The following ZBTB16 variants were observed in gnomAD, a reference collection of about 807,000 sequenced individuals.
ZBTB16 encodes zinc finger and BTB domain-containing protein 16.
A neutral mutation model predicts 56.8 loss-of-function variants in ZBTB16; 8 were observed. That is an observed-to-expected ratio of 0.14 (90% CI 0.08 to 0.25). ZBTB16 has a LOEUF of 0.25. Ranked by LOEUF, ZBTB16 falls within the 10% of genes least tolerant of loss-of-function variation. The pLI is 1.00. For synonymous variants in ZBTB16, 363 were observed against 368.5 expected, an observed-to-expected ratio of 0.98 and a Z score of 0.17; for missense variants, 625 against 903.0, an observed-to-expected ratio of 0.69 and a Z score of 3.95.
intron 3 of ZBTB16, among the ~76,000 whole-genome samples, chr11:114,156,869 C>T (rs1591725159): frequency 6.6e-6 from 1 of 152,176 alleles, no homozygotes; most frequent in East Asian, 1.9e-4. Flanking sequence ...TAATTTTATA[C>T]AATTCTATTG....
At chr11:114,223,558 A>G (rs1944278268) in intron 4 of ZBTB16, among the ~76,000 whole-genome samples, 1 of 152,174 alleles carries the variant, frequency 6.6e-6, no homozygotes, top group African/African-American at 2.4e-5. Flanking sequence ...TTATTTGTTT[A>G]TTAATTCATT....
intron 2 of ZBTB16, among the ~76,000 whole-genome samples, chr11:114,071,134 A>T (rs575210259): frequency 6.6e-6 from 1 of 151,894 alleles, no homozygotes; most frequent in Admixed American, 6.5e-5. Context: ...GTACCCACTT[A>T]TATCTTCATG....
chr11:114,062,252 T>G (rs997810466), intron 1 of ZBTB16, among the ~76,000 whole-genome samples: 3 of 151,458 alleles, frequency 2.0e-5, no homozygotes, highest in African/African-American at 4.8e-5. Flanking sequence ...TACAGGCGGG[T>G]GCCACCGCGC....
chr11:114,113,759 A>G (rs1344467607), intron 2 of ZBTB16, among the ~76,000 whole-genome samples: 1 of 152,186 alleles, frequency 6.6e-6, no homozygotes, highest in Non-Finnish European at 1.5e-5. Context: ...CTCTTCCTAA[A>G]TGAAGCTAGT....
At position 114,252,160 on chromosome 11, in the gene ZBTB16, G is replaced by A. The variant is rs1944928951; in HGVS notation, c.*1605G>A. Among the ~76,000 whole-genome samples, 1 of 152,026 alleles carries A rather than the reference G, an allele frequency of 6.6e-6. No homozygotes were observed. Among genetic ancestry groups the A allele is most frequent in the South Asian group, 2.1e-4 (1 of 4,816 alleles). On this transcript the variant is annotated 3_prime_UTR_variant, in exon 7 of 7. Transcript: ENST00000335953. ...CTTTGGGGTCTCATGGTCCCCAGAG[G>A]GCACTAGGGAGTCACTTTTGGCTCC...
chr11:114,235,724 TTC>T (rs1156656384), intron 4 of ZBTB16, among the ~76,000 whole-genome samples: 2 of 150,226 alleles, frequency 1.3e-5, no homozygotes, highest in Non-Finnish European at 3.0e-5. Context: ...TTCTTTTTCT[TTC>T]TTTCTTTCTT....
intron 3 of ZBTB16, among the ~76,000 whole-genome samples, chr11:114,174,497 A>G (rs1002106807): frequency 2.6e-5 from 4 of 152,142 alleles, no homozygotes; most frequent in Admixed American, 2.0e-4. Flanking sequence ...CCTGCCTAAC[A>G]TGGTGAAACT....
intron 3 of ZBTB16, among the ~76,000 whole-genome samples, chr11:114,163,500 C>G (rs1942653718): frequency 6.6e-6 from 1 of 151,964 alleles, no homozygotes; most frequent in African/African-American, 2.4e-5. Context: ...CGATGCTGGC[C>G]CCAGGGCAGA....
intron 4 of ZBTB16, among the ~76,000 whole-genome samples, chr11:114,203,199 G>C (rs531788789): frequency 6.6e-6 from 1 of 152,328 alleles, no homozygotes; most frequent in Admixed American, 6.5e-5. Context: ...AAACAAGCAA[G>C]ACATGAAAGG....
intron 2 of ZBTB16, among the ~76,000 whole-genome samples, chr11:114,100,278 C>T (rs1215368509): frequency 6.6e-6 from 1 of 152,150 alleles, no homozygotes; most frequent in Non-Finnish European, 1.5e-5. Flanking sequence ...CCCGAGGTGA[C>T]AGTTAAAATT....
chr11:114,229,713 T>C (rs1170752541), intron 4 of ZBTB16, among the ~76,000 whole-genome samples: 1 of 152,216 alleles, frequency 6.6e-6, no homozygotes, highest in African/African-American at 2.4e-5. Context: ...AAGATACCTG[T>C]GATGACATGG....
intron 5 of ZBTB16, among the ~76,000 whole-genome samples, chr11:114,244,139 G>C (rs943227075): frequency 6.6e-6 from 1 of 152,158 alleles, no homozygotes; most frequent in South Asian, 2.1e-4. Context: ...TGCTGGGGCC[G>C]GGTGTTTAGC....
chr11:114,143,227 A>C lies in ZBTB16; in HGVS notation c.1269-13110A>C, dbSNP rs1942003650. On this transcript the variant is annotated intron_variant, in intron 2 of 6. Transcript: ENST00000335953. This position sits in a 1 kb window ranked among gnomAD's most constrained non-coding sequence, Gnocchi z 6.4. ...CCGATTGATTTATTACCCACTGTACAGCCAAGATGCATCCACCCCTCATCC... is the reference window on the plus strand; with the variant it reads ...CCGATTGATTTATTACCCACTGTACCGCCAAGATGCATCCACCCCTCATCC... 6.6e-6 allele frequency among the ~76,000 whole-genome samples: 1 copy of C among 152,208 alleles called. No individual in the cohort carries two copies. The highest frequency in any genetic ancestry group is 2.4e-5 in the African/African-American group (1 of 41,456).
rs144508859 is a variant in ZBTB16, at chr11:114,208,418, G to A, written c.1453+21380G>A. On this transcript the variant is annotated intron_variant, in intron 4 of 6. Coordinates refer to ENST00000335953, the MANE Select transcript of ZBTB16 (RefSeq NM_006006.6). ...ATCCTTTGCAAGTCTCAGATTCCTT[G>A]TCTGAAAAATTAGGACACCATACCT... Among the ~76,000 whole-genome samples the A allele has an allele frequency of 2.2e-3, 331 of 152,244 alleles. 1 individual carries two copies. The highest frequency in any genetic ancestry group is 2.9e-3 in the Non-Finnish European group (200 of 68,018).
chr11:114,116,846 A>G (rs238908), intron 2 of ZBTB16, among the ~76,000 whole-genome samples: 13 of 152,340 alleles, frequency 8.5e-5, no homozygotes, highest in South Asian at 2.1e-4. Context: ...ATACCAGACA[A>G]TGGAGATACA....
intron 5 of ZBTB16, chr11:114,246,982 C>G: frequency 1.6e-6 from 1 of 636,640 alleles, no homozygotes; most frequent in East Asian, 2.9e-5. Flanking sequence ...GCCCTTGCCC[C>G]ACAGATGATC....
chr11:114,229,698 T>C (rs150490987), intron 4 of ZBTB16, among the ~76,000 whole-genome samples: 13 of 152,332 alleles, frequency 8.5e-5, no homozygotes, highest in Non-Finnish European at 1.6e-4. Context: ...ATTCCATTAT[T>C]TTCAAAGATA....
At chr11:114,177,836 G>A (rs749005764) in intron 3 of ZBTB16, among the ~76,000 whole-genome samples, 13 of 152,114 alleles carry the variant, frequency 8.5e-5, no homozygotes, top group African/African-American at 2.9e-4. Context: ...GTATCACTCC[G>A]TCACCCAGGC....
intron 2 of ZBTB16, among the ~76,000 whole-genome samples, chr11:114,065,635 C>T (rs892253365): frequency 5.9e-5 from 9 of 152,168 alleles, no homozygotes; most frequent in Non-Finnish European, 1.5e-5. Context: ...AGGATGGTCT[C>T]GAACTCCCGA....
Sources: allele counts gnomAD v4.1 joint callset (sites outside exome capture counted in the v4.1 genomes callset), GRCh38; gene constraint gnomAD v4.1.1; non-coding constraint Gnocchi (gnomAD v3.1); transcripts MANE v1.5; gene names NCBI Gene and HGNC (gene_info 2026-07-23, HGNC 2026-07-21).